The following TAC1 variants were observed in gnomAD, a reference collection of about 807,000 sequenced individuals.
TAC1 encodes the protein tachykinin precursor 1, also known as protachykinin-1.
TAC1 carries 12 observed loss-of-function variants against 21.7 expected under a neutral mutation model. The observed-to-expected ratio is 0.55, with a 90% confidence interval of 0.35 to 0.89. The LOEUF is 0.89. Ranked by LOEUF, TAC1 falls within the 40% of genes least tolerant of loss-of-function variation. The pLI is 0.01. For synonymous variants in TAC1, 52 were observed against 52.0 expected, an observed-to-expected ratio of 1.00 and a Z score of 0.00; for missense variants, 128 against 151.4, an observed-to-expected ratio of 0.85 and a Z score of 0.81.
intron 3 of TAC1, 88 bp from the exon 4 acceptor site, chr7:97,734,160 C>T: frequency 7.6e-7 from 1 of 1,311,264 alleles, no homozygotes; most frequent in Non-Finnish European, 1.1e-6. Context: ...GGTGAGAGTA[C>T]ATTTGTCTTG....
intron 5 of TAC1, among the ~76,000 whole-genome samples, chr7:97,735,514 A>G (rs994090906): frequency 1.3e-5 from 2 of 152,130 alleles, no homozygotes; most frequent in African/African-American, 2.4e-5. Context: ...GAAAGGGTCT[A>G]TCTTCATCGT....
rs373247564 is a variant in TAC1 at position 97,736,246 on chromosome 7, T to C, written c.290-53T>C. 1.8e-5 allele frequency: 27 copies of C among 1,463,308 alleles called. No homozygotes were observed. In the Middle Eastern group the frequency reaches 5.3e-4, roughly 29 times the overall value. The allele number at this position is 1,463,308 out of a possible 1,614,324, so 90.6% of individuals were successfully genotyped here. ...GCTTGCTTTGTTCTGGTTATAATAGTTTGTTTCCTCAAAGATATACATATT... is the reference window on the plus strand; with the variant it reads ...GCTTGCTTTGTTCTGGTTATAATAGCTTGTTTCCTCAAAGATATACATATT... On this transcript the variant is annotated intron_variant, in intron 5 of 6. Transcript: ENST00000319273.
chr7:97,733,374 G>T (rs1429282359), intron 2 of TAC1, among the ~76,000 whole-genome samples: 1 of 152,100 alleles, frequency 6.6e-6, no homozygotes, highest in African/African-American at 2.4e-5. Flanking sequence ...CATTTAGGGC[G>T]GTGAGGACTC....
At chr7:97,737,491 G>A (rs536001522) in intron 6 of TAC1, among the ~76,000 whole-genome samples, 2 of 151,594 alleles carry the variant, frequency 1.3e-5, no homozygotes, top group East Asian at 3.9e-4. Flanking sequence ...AAATCAAAAC[G>A]CGCAATAGAA....
At position 97,733,728 on chromosome 7, in the gene TAC1, A is replaced by G; in HGVS notation, c.129A>G (p.Glu43=). ...DWYDSDQIKE[E]LPEPFEHLLQ... Reference sequence around the variant, plus strand: ...TCCGTGCTTTTGTCTCCCAGGAGGAACTGCCGGAGCCCTTTGAGCATCTTC... The same window carrying G: ...TCCGTGCTTTTGTCTCCCAGGAGGAGCTGCCGGAGCCCTTTGAGCATCTTC... The change falls in exon 3 of 7, where the codon GAA becomes GAG. Residue 43 remains glutamate (E), a synonymous_variant. Coordinates refer to ENST00000319273, the MANE Select transcript of TAC1 (RefSeq NM_003182.3). 6.2e-7 allele frequency: 1 copy of G among 1,613,720 alleles called. No homozygotes were observed. Among genetic ancestry groups the G allele is most frequent in the East Asian group, 2.2e-5 (1 of 44,800 alleles).
chr7:97,739,414 T>C (rs1418182816), intron 6 of TAC1, among the ~76,000 whole-genome samples: 1 of 152,082 alleles, frequency 6.6e-6, no homozygotes, highest in African/African-American at 2.4e-5. Context: ...AATGAATGAG[T>C]GTGTCTGTAT....
chr7:97,739,209 G>A (rs947499426), intron 6 of TAC1, among the ~76,000 whole-genome samples: 7 of 151,844 alleles, frequency 4.6e-5, no homozygotes, highest in Admixed American at 2.6e-4. Context: ...AGTCTTGAGG[G>A]CAGTCCATCA....
rs1211340267 is a variant in TAC1 at position 97,740,374 on chromosome 7, G to A, written c.*454G>A. 6.5e-6 allele frequency: 1 copy of A among 152,710 alleles called. No individual in the cohort carries two copies. The highest frequency in any genetic ancestry group is 1.5e-5 in the Non-Finnish European group (1 of 68,188). 9.5% of individuals were successfully genotyped at this position (152,710 alleles called of 1,614,324 possible). On this transcript the variant is annotated 3_prime_UTR_variant, in exon 7 of 7. Coordinates refer to ENST00000319273, the MANE Select transcript of TAC1 (RefSeq NM_003182.3). Reference sequence around the variant, plus strand: ...GTTTCATGTTTTGTGACTATATAGAGATGTTTTTAAAAGTTTCAATGTGAT... The same window carrying A: ...GTTTCATGTTTTGTGACTATATAGAAATGTTTTTAAAAGTTTCAATGTGAT...
At chr7:97,735,958 C>G (rs923085241) in intron 5 of TAC1, among the ~76,000 whole-genome samples, 23 of 152,018 alleles carry the variant, frequency 1.5e-4, no homozygotes, top group Non-Finnish European at 3.1e-4. Context: ...ATATTTCACT[C>G]TCACACAAAT....
chr7:97,739,968 A>T lies in TAC1; in HGVS notation c.*48A>T. 7 of 1,338,774 alleles carry T rather than the reference A, an allele frequency of 5.2e-6. No individual in the cohort carries two copies. Among genetic ancestry groups the T allele is most frequent in the African/African-American group, 1.5e-5 (1 of 68,456 alleles). The allele number at this position is 1,338,774 out of a possible 1,614,324, so 82.9% of individuals were successfully genotyped here. On this transcript the variant is annotated 3_prime_UTR_variant, in exon 7 of 7. Transcript: ENST00000319273. ...TCAGCTTCATTTGTGTCAATGGGCA[A>T]TGACAGGTAAATTAAGACATGCACT...
rs1028469464 is a variant in TAC1, at chr7:97,732,835, C to T, written c.123+100C>T. 24 of 1,445,394 alleles carry T rather than the reference C, an allele frequency of 1.7e-5. No homozygotes were observed. Among genetic ancestry groups the T allele is most frequent in the Admixed American group, 8.7e-5 (4 of 45,962 alleles). The allele number at this position is 1,445,394 out of a possible 1,614,324, so 89.5% of individuals were successfully genotyped here. A position where few individuals can be genotyped will look rare whatever the true frequency, so the allele number is the denominator to read the frequency against. On this transcript the variant is annotated intron_variant, in intron 2 of 6. Transcript: ENST00000319273. This position sits in a 1 kb window ranked among gnomAD's most constrained non-coding sequence, Gnocchi z 6.2. ...CCCTAGTTAACGTGGCACGCACCGC[C>T]ACCACGGAAAGAGGCAGCGGTTGCG...
chr7:97,735,631 A>C (rs964748412), intron 5 of TAC1, among the ~76,000 whole-genome samples: 2 of 152,194 alleles, frequency 1.3e-5, no homozygotes, highest in African/African-American at 4.8e-5. Context: ...ATAAAAACCA[A>C]GAGAAATTCT....
rs1789508924 is a variant in TAC1 at position 97,734,249 on chromosome 7, T to C, written c.222T>C (p.Asp74=). Residue 74 remains aspartate (D), a splice_region_variant and synonymous_variant, in exon 4 of 7, where the codon GAT becomes GAC. Coordinates refer to ENST00000319273, the MANE Select transcript of TAC1 (RefSeq NM_003182.3). ...TAATGACAATTCGTCTCTTGTCAGA[T>C]TCCTCAATTGAAAAACAAGTGGCCC... ...FFGLMGKRDA[D]SSIEKQVALL... 1 of 1,614,024 alleles carries C rather than the reference T, an allele frequency of 6.2e-7. No individual in the cohort carries two copies. Among genetic ancestry groups the C allele is most frequent in the East Asian group, 2.2e-5 (1 of 44,894 alleles).
chr7:97,732,919 G>A lies in TAC1; in HGVS notation c.123+184G>A. The stretch of plus-strand genomic sequence containing the variant: ...GTTCCCCACGGGATTTTGTGCCCAC[G>A]ATTCAAGTTTCTTCCCGAGGGCTGC... On this transcript the variant is annotated intron_variant, in intron 2 of 6. Coordinates refer to ENST00000319273, the MANE Select transcript of TAC1 (RefSeq NM_003182.3). This position sits in a 1 kb window ranked among gnomAD's most constrained non-coding sequence, Gnocchi z 6.2. The A allele has an allele frequency of 2.4e-6, 2 of 816,664 alleles. No homozygotes were observed. The highest frequency in any genetic ancestry group is 5.5e-5 in the East Asian group (2 of 36,418). 50.6% of individuals were successfully genotyped at this position (816,664 alleles called of 1,614,324 possible). A position where few individuals can be genotyped will look rare whatever the true frequency, so the allele number is the denominator to read the frequency against.
rs1201580777 is a variant in TAC1, at chr7:97,732,940, G to T, written c.123+205G>T. 1.7e-5 allele frequency: 11 copies of T among 660,800 alleles called. No individual in the cohort carries two copies. The highest frequency in any genetic ancestry group is 2.2e-5 in the Non-Finnish European group (9 of 407,622). The allele number at this position is 660,800 out of a possible 1,614,324, so 40.9% of individuals were successfully genotyped here. On this transcript the variant is annotated intron_variant, in intron 2 of 6. Coordinates refer to ENST00000319273, the MANE Select transcript of TAC1 (RefSeq NM_003182.3). The surrounding 1 kb of genome is among the most constrained non-coding windows in gnomAD (Gnocchi z 6.2). The stretch of plus-strand genomic sequence containing the variant: ...CCACGATTCAAGTTTCTTCCCGAGG[G>T]CTGCACCGTCCGGCCCAGGAACTCC...
At chr7:97,734,937 C>A in intron 5 of TAC1, 88 bp downstream of exon 5, 2 of 1,082,148 alleles carry the variant, frequency 1.8e-6, no homozygotes, top group South Asian at 1.4e-5. Flanking sequence ...TATTTTCTGT[C>A]ATGACTCTAG....
At chr7:97,737,378 C>T (rs1411532033) in intron 6 of TAC1, among the ~76,000 whole-genome samples, 1 of 151,826 alleles carries the variant, frequency 6.6e-6, no homozygotes, top group Non-Finnish European at 1.5e-5. Context: ...TATCTGGATC[C>T]TAGGAAAAAT....
At chr7:97,734,147 T>G in intron 3 of TAC1, 101 bp from the exon 4 acceptor site, 2 of 1,174,882 alleles carry the variant, frequency 1.7e-6, no homozygotes, top group Non-Finnish European at 2.5e-6. Flanking sequence ...TAGCATTCCC[T>G]GAGGTGAGAG....
In TAC1 at chr7:97,732,997, G is replaced by A. The variant is rs1789470629; in HGVS notation, c.123+262G>A. 2 of 401,366 alleles carry A rather than the reference G, an allele frequency of 5.0e-6. No homozygotes were observed. Among genetic ancestry groups the A allele is most frequent in the East Asian group, 4.1e-5 (1 of 24,330 alleles). 24.9% of individuals were successfully genotyped at this position (401,366 alleles called of 1,614,324 possible). ...TAGGGATGCCCTCCCGGATGAGCCC[G>A]AGATCCTCACAAGGCGGGAAATCTC... On this transcript the variant is annotated intron_variant, in intron 2 of 6. Coordinates refer to ENST00000319273, the MANE Select transcript of TAC1 (RefSeq NM_003182.3). The surrounding 1 kb of genome is among the most constrained non-coding windows in gnomAD (Gnocchi z 6.2).
Sources: gnomAD v4.1 joint callset for allele counts (sites outside exome capture counted in the v4.1 genomes callset) on GRCh38, gnomAD v4.1.1 for gene constraint, Gnocchi (gnomAD v3.1) non-coding constraint, MANE v1.5 for transcripts, NCBI Gene and HGNC (gene_info 2026-07-23, HGNC 2026-07-21) for gene names.